WDR20: variants seen among roughly 807,000 people sequenced by gnomAD.
The protein encoded by WDR20 is WD repeat-containing protein 20.
WDR20 carries 3 observed loss-of-function variants against 38.7 expected under a neutral mutation model. The ratio of observed to expected loss-of-function variants is 0.08; its 90% CI spans 0.04 to 0.20. The LOEUF (loss-of-function observed/expected upper bound fraction) is 0.20, where lower values mean the gene tolerates loss of function less well. Among genes scored for constraint, WDR20 ranks in the 10% least tolerant of loss-of-function variants. The probability of loss-of-function intolerance (pLI) is 1.00; values close to 1 mark genes in which losing one functional copy is unlikely to be tolerated. For synonymous variants in WDR20, 298 were observed against 285.6 expected, an observed-to-expected ratio of 1.04 and a Z score of -0.44; for missense variants, 559 against 727.7, an observed-to-expected ratio of 0.77 and a Z score of 2.67.
chr14:102,213,031 G>A (rs916939874), downstream of WDR20: 1 of 990,060 alleles, frequency 1.0e-6, no homozygotes, highest in African/African-American at 1.7e-5. Context: ...CCCGGCAAGG[G>A]GGCGAGCTGG....
intron 2 of WDR20, among the ~76,000 whole-genome samples, chr14:102,203,692 C>T (rs928048532): frequency 1.3e-5 from 2 of 152,158 alleles, no homozygotes; most frequent in Non-Finnish European, 2.9e-5. Flanking sequence ...TGCCCACCCC[C>T]GAAACCCCAT....
At chr14:102,174,334 G>A (rs1237007804) in intron 1 of WDR20, among the ~76,000 whole-genome samples, 1 of 152,100 alleles carries the variant, frequency 6.6e-6, no homozygotes, top group Non-Finnish European at 1.5e-5. Context: ...TTTCCATAGC[G>A]GTTGTACTAG....
chr14:102,194,451 G>A (rs1267617171), intron 1 of WDR20, among the ~76,000 whole-genome samples: 2 of 152,112 alleles, frequency 1.3e-5, no homozygotes, highest in Non-Finnish European at 2.9e-5. Context: ...TGAGATTTTT[G>A]CATTTCTAAG....
At chr14:102,200,467 T>TGTGTGTGTGTGTG (rs1555400555) in intron 2 of WDR20, among the ~76,000 whole-genome samples, 21 of 117,770 alleles carry the variant, frequency 1.8e-4, no homozygotes, top group South Asian at 6.3e-4. Context: ...ATTTTTTTTT[T>TGTGTGTGTGTGTG]TGTGTGTGTG....
intron 1 of WDR20, among the ~76,000 whole-genome samples, chr14:102,173,154 G>A (rs893396828): frequency 6.6e-6 from 1 of 151,014 alleles, no homozygotes; most frequent in African/African-American, 2.4e-5. Flanking sequence ...ATTCTGTCGC[G>A]CAGGCTGGAG....
downstream of WDR20, chr14:102,214,870 CTTTG>C (rs1445868898): frequency 2.6e-5 from 26 of 981,776 alleles, no homozygotes; most frequent in African/African-American, 3.5e-5. Flanking sequence ...TGTTTCACTG[CTTTG>C]TTTTTTTTTT....
rs1203320278 is a variant in WDR20 at position 102,221,370 on chromosome 14, G to A, written c.1693-1460G>A. Reference sequence around the variant, plus strand: ...AGCTTGTGGAAAGCACTTTCTTAGGGTGCGCGTGGTGATGAAGGCAGAGTG... The same window carrying A: ...AGCTTGTGGAAAGCACTTTCTTAGGATGCGCGTGGTGATGAAGGCAGAGTG... On this transcript the variant is annotated intron_variant, in intron 3 of 3. Transcript: ENST00000335263. The surrounding 1 kb of genome is among the most constrained non-coding windows in gnomAD (Gnocchi z 4.8). 6.6e-6 allele frequency among the ~76,000 whole-genome samples: 1 copy of A among 152,230 alleles called. No homozygotes were observed.
In WDR20 at chr14:102,198,008, C is replaced by T. The variant is rs553579731; in HGVS notation, c.432+2888C>T. On this transcript the variant is annotated intron_variant, in intron 2 of 2. Coordinates refer to ENST00000342702, the MANE Select transcript of WDR20 (RefSeq NM_144574.4). The stretch of plus-strand genomic sequence containing the variant: ...AAGAGAGGTATAATAGCACCACCCC[C>T]GAAACACTGGTGACCACAGATGGTG... 20 of 481,250 alleles carry T rather than the reference C, an allele frequency of 4.2e-5. 1 individual carries two copies. Among genetic ancestry groups the T allele is most frequent in the African/African-American group, 2.5e-4 (13 of 52,536 alleles). 29.8% of individuals were successfully genotyped at this position (481,250 alleles called of 1,614,324 possible).
chr14:102,222,901 GCA>G lies in WDR20; in HGVS notation c.*21_*22del, dbSNP rs2064084070. 3 of 1,613,952 alleles carry G rather than the reference GCA, an allele frequency of 1.9e-6. No individual in the cohort carries two copies. The highest frequency in any genetic ancestry group is 1.7e-4 in the Middle Eastern group (1 of 6,050). On this transcript the variant is annotated 3_prime_UTR_variant, in exon 4 of 4. Transcript: ENST00000335263. The surrounding 1 kb of genome is among the most constrained non-coding windows in gnomAD (Gnocchi z 4.4). ...TAGTGTAGCGACCTCACTGCTGCGC[GCA>G]CAGTCTCCCGGGACTTGGACTCGAG...
rs2061690841 is a variant in WDR20 at position 102,207,137 on chromosome 14, C to CGTT, written c.433-1465_433-1463dup. Among the ~76,000 whole-genome samples the CGTT allele has an allele frequency of 6.6e-6, 1 of 152,212 alleles. No individual in the cohort carries two copies. The highest frequency in any genetic ancestry group is 2.4e-5 in the African/African-American group (1 of 41,458). On this transcript the variant is annotated intron_variant, in intron 2 of 2. Coordinates refer to ENST00000342702, the MANE Select transcript of WDR20 (RefSeq NM_144574.4). This position sits in a 1 kb window ranked among gnomAD's most constrained non-coding sequence, Gnocchi z 5.0. ...ATTAATTTAAGAGGACCAGCCATGC[C>CGTT]GTTTTACGGCAGTAAGCAGTGACAC...
intron 2 of WDR20, among the ~76,000 whole-genome samples, chr14:102,201,544 C>T (rs780542996): frequency 6.6e-6 from 1 of 152,000 alleles, no homozygotes; most frequent in Non-Finnish European, 1.5e-5. Flanking sequence ...TTTCGCTGTT[C>T]GTGGGATTTT....
At chr14:102,192,202 C>G (rs2058626103) in intron 1 of WDR20, among the ~76,000 whole-genome samples, 1 of 146,616 alleles carries the variant, frequency 6.8e-6, no homozygotes, top group Admixed American at 6.8e-5. Flanking sequence ...TTTTTTGAGA[C>G]AGAGTCTCGC....
chr14:102,142,425 A>G (rs1240970755), intron 1 of WDR20, among the ~76,000 whole-genome samples: 1 of 152,194 alleles, frequency 6.6e-6, no homozygotes, highest in Admixed American at 6.5e-5. Context: ...AGTTACAAAC[A>G]TATTTTTGAC....
intron 1 of WDR20, among the ~76,000 whole-genome samples, chr14:102,143,938 A>G (rs1481255874): frequency 6.6e-6 from 1 of 151,630 alleles, no homozygotes; most frequent in African/African-American, 2.4e-5. Context: ...GCACTTTGGG[A>G]GACTGAGGTG....
At chr14:102,174,238 T>C (rs1447291766) in intron 1 of WDR20, among the ~76,000 whole-genome samples, 3 of 152,118 alleles carry the variant, frequency 2.0e-5, no homozygotes, top group African/African-American at 7.2e-5. Context: ...TAATGACTTC[T>C]TTTCCTCTGG....
chr14:102,163,896 T>G (rs552789524), intron 1 of WDR20, among the ~76,000 whole-genome samples: 4 of 152,282 alleles, frequency 2.6e-5, no homozygotes, highest in African/African-American at 9.6e-5. Flanking sequence ...TTCCCATTAG[T>G]TGCAAGAATT....
intron 1 of WDR20, among the ~76,000 whole-genome samples, chr14:102,187,959 A>G (rs1402039006): frequency 6.6e-6 from 1 of 152,194 alleles, no homozygotes. Context: ...GCTGTTAGCT[A>G]TGCCAGTAAA....
chr14:102,180,650 T>C (rs1414100956), intron 1 of WDR20, among the ~76,000 whole-genome samples: 1 of 152,158 alleles, frequency 6.6e-6, no homozygotes, highest in Non-Finnish European at 1.5e-5. Flanking sequence ...TCTTCATATT[T>C]AAAGACAAAT....
Position 102,147,025 on chromosome 14 carries a change from A to G in WDR20, c.249+6853A>G, listed in dbSNP as rs141497515. Among the ~76,000 whole-genome samples, 221 of 152,294 alleles carry G rather than the reference A, an allele frequency of 1.5e-3. 3 individuals carry two copies. Among genetic ancestry groups the G allele is most frequent in the African/African-American group, 5.0e-3 (206 of 41,578 alleles). On this transcript the variant is annotated intron_variant, in intron 1 of 2. Coordinates refer to ENST00000342702, the MANE Select transcript of WDR20 (RefSeq NM_144574.4). ...TTAGAATTTTGCATACTGAGGGGAA[A>G]GCATCTTAATGTATCATTTAAAGCA...
Sources: allele counts gnomAD v4.1 joint callset (sites outside exome capture counted in the v4.1 genomes callset), GRCh38; gene constraint gnomAD v4.1.1; non-coding constraint Gnocchi (gnomAD v3.1); transcripts MANE v1.5; gene names NCBI Gene and HGNC (gene_info 2026-07-23, HGNC 2026-07-21).